The following PCCA variants were observed in gnomAD, a reference collection of about 807,000 sequenced individuals.
PCCA encodes propionyl-CoA carboxylase subunit alpha, also known as propionyl-CoA carboxylase alpha chain, mitochondrial.
A neutral mutation model predicts 101.3 loss-of-function variants in PCCA; 74 were observed. The observed-to-expected ratio is 0.73, with a 90% CI of 0.61 to 0.89. PCCA has a LOEUF of 0.89. Ranked by LOEUF, PCCA falls within the 40% of genes least tolerant of loss-of-function variation. PCCA has a pLI of 0.00. For synonymous variants in PCCA, 294 were observed against 313.6 expected, an observed-to-expected ratio of 0.94 and a Z score of 0.66; for missense variants, 891 against 907.0, an observed-to-expected ratio of 0.98 and a Z score of 0.23.
chr13:100,470,704 A>T (rs1325640360), intron 21 of PCCA, among the ~76,000 whole-genome samples: 3 of 152,060 alleles, frequency 2.0e-5, no homozygotes, highest in Non-Finnish European at 4.4e-5. Context: ...AAATATGAAA[A>T]CTAGCTGGGC....
intron 21 of PCCA, among the ~76,000 whole-genome samples, chr13:100,504,008 A>T (rs1278951794): frequency 6.6e-6 from 1 of 152,268 alleles, no homozygotes; most frequent in Non-Finnish European, 1.5e-5. Flanking sequence ...AAGATATACA[A>T]TAAAAATTGA....
intron 12 of PCCA, among the ~76,000 whole-genome samples, chr13:100,279,777 G>T (rs2063940282): frequency 6.6e-6 from 1 of 152,040 alleles, no homozygotes; most frequent in Non-Finnish European, 1.5e-5. Context: ...CCTGGCCCAA[G>T]TGTTCTTTTA....
rs181150636 is a variant in PCCA at position 100,159,286 on chromosome 13, T to G, written c.468+1946T>G. 8.6e-5 allele frequency among the ~76,000 whole-genome samples: 13 copies of G among 151,982 alleles called. No individual in the cohort carries two copies. In the East Asian group the frequency reaches 2.3e-3, roughly 27 times the overall value. ...TTGTATTTTTAGTAGAGACGGGGTT[T>G]CACCATTTTAGTCAGGCTGGTCTTG... On this transcript the variant is annotated intron_variant, in intron 6 of 23. Transcript: ENST00000376285.
intron 8 of PCCA, among the ~76,000 whole-genome samples, chr13:100,238,635 A>G (rs796173664): frequency 3.3e-5 from 5 of 152,298 alleles, no homozygotes; most frequent in African/African-American, 1.2e-4. Context: ...AGCTCTTACA[A>G]AGCTTTTAGA....
chr13:100,361,070 G>A (rs558203151), intron 18 of PCCA, among the ~76,000 whole-genome samples: 446 of 152,216 alleles, frequency 2.9e-3, no homozygotes, highest in Non-Finnish European at 4.7e-3. Flanking sequence ...TGATTCCAGC[G>A]CTAAGTGACA....
chr13:100,457,600 T>C (rs2081842122), intron 21 of PCCA, among the ~76,000 whole-genome samples: 1 of 152,088 alleles, frequency 6.6e-6, no homozygotes, highest in South Asian at 2.1e-4. Flanking sequence ...GAGCTCTGAG[T>C]TTAGAGAACC....
intron 6 of PCCA, among the ~76,000 whole-genome samples, chr13:100,166,356 C>T (rs1168472764): frequency 6.6e-6 from 1 of 152,084 alleles, no homozygotes; most frequent in Non-Finnish European, 1.5e-5. Context: ...CCTCTTTTGC[C>T]CAGGCTAGAG....
At chr13:100,112,736 C>T (rs1033420786) in intron 4 of PCCA, among the ~76,000 whole-genome samples, 2 of 152,000 alleles carry the variant, frequency 1.3e-5, no homozygotes, top group African/African-American at 2.4e-5. Context: ...GCCATCATGC[C>T]TGGCTGATTT....
At chr13:100,406,459 C>T (rs937195818) in intron 19 of PCCA, among the ~76,000 whole-genome samples, 1 of 152,212 alleles carries the variant, frequency 6.6e-6, no homozygotes, top group Non-Finnish European at 1.5e-5. Flanking sequence ...AATCCCAGCA[C>T]TTTGGGAGGC....
chr13:100,401,127 T>C (rs79840435), intron 19 of PCCA, among the ~76,000 whole-genome samples: 3,918 of 152,276 alleles, frequency 0.026, 184 homozygotes, highest in African/African-American at 0.089. Flanking sequence ...AGAATTGACT[T>C]GACGTGTTCC....
chr13:100,250,233 G>T (rs936230463), intron 8 of PCCA, among the ~76,000 whole-genome samples: 20 of 152,208 alleles, frequency 1.3e-4, no homozygotes, highest in African/African-American at 4.6e-4. Flanking sequence ...TCAAGTACAA[G>T]AAATTTCTCT....
At chr13:100,311,250 T>A (rs993182623) in intron 16 of PCCA, among the ~76,000 whole-genome samples, 1 of 151,956 alleles carries the variant, frequency 6.6e-6, no homozygotes, top group Non-Finnish European at 1.5e-5. Flanking sequence ...AAAAAAATTT[T>A]TTTTTAAATA....
intron 19 of PCCA, among the ~76,000 whole-genome samples, chr13:100,408,594 G>T (rs879709929): frequency 6.6e-6 from 1 of 152,198 alleles, no homozygotes; most frequent in Non-Finnish European, 1.5e-5. Flanking sequence ...CCCAGTCACT[G>T]GGTGGGGCCC....
At chr13:100,379,703 C>T (rs1183790731) in intron 19 of PCCA, among the ~76,000 whole-genome samples, 4 of 152,072 alleles carry the variant, frequency 2.6e-5, no homozygotes, top group Non-Finnish European at 4.4e-5. Context: ...GGCAGGAGAG[C>T]GCTCTTGCAG....
intron 8 of PCCA, among the ~76,000 whole-genome samples, chr13:100,239,692 T>C (rs2061003954): frequency 6.6e-6 from 1 of 152,182 alleles, no homozygotes; most frequent in African/African-American, 2.4e-5. Flanking sequence ...AGGTCCTTAA[T>C]ACAATCAAGT....
At chr13:100,497,601 A>C (rs909596146) in intron 21 of PCCA, among the ~76,000 whole-genome samples, 2 of 152,164 alleles carry the variant, frequency 1.3e-5, no homozygotes, top group African/African-American at 4.8e-5. Context: ...TCTTCAGATT[A>C]AATTCATGCC....
At chr13:100,292,406 T>C (rs2065192649) in intron 12 of PCCA, among the ~76,000 whole-genome samples, 1 of 152,210 alleles carries the variant, frequency 6.6e-6, no homozygotes, top group African/African-American at 2.4e-5. Flanking sequence ...ATTAGTAAAA[T>C]GACATTAATT....
At chr13:100,370,369 G>T (rs36061462) in intron 19 of PCCA, among the ~76,000 whole-genome samples, 3 of 152,024 alleles carry the variant, frequency 2.0e-5, no homozygotes, top group Non-Finnish European at 4.4e-5. Flanking sequence ...ACAGGCGAGC[G>T]TTGCTTCTTT....
At chr13:100,243,126 C>T (rs1382752031) in intron 8 of PCCA, among the ~76,000 whole-genome samples, 3 of 152,188 alleles carry the variant, frequency 2.0e-5, no homozygotes, top group Non-Finnish European at 2.9e-5. Context: ...AAACTCCTGA[C>T]CTCAAGTGCT....
Sources: gnomAD v4.1 joint callset for allele counts (sites outside exome capture counted in the v4.1 genomes callset) on GRCh38, gnomAD v4.1.1 for gene constraint, MANE v1.5 for transcripts, NCBI Gene and HGNC (gene_info 2026-07-23, HGNC 2026-07-21) for gene names.